PIK3C2A: variants seen among roughly 807,000 people sequenced by gnomAD.
PIK3C2A encodes phosphatidylinositol-4-phosphate 3-kinase catalytic subunit type 2 alpha, also known as phosphatidylinositol 4-phosphate 3-kinase C2 domain-containing subunit alpha.
In PIK3C2A, 97 loss-of-function variants were observed where a neutral mutation model predicts 204.5. That is an observed-to-expected ratio of 0.47 (90% CI 0.40 to 0.56). The LOEUF (loss-of-function observed/expected upper bound fraction) is 0.56, where lower values mean the gene tolerates loss of function less well. PIK3C2A is among the 20% of genes least tolerant of loss of function. PIK3C2A has a pLI of 0.00. For missense variants in PIK3C2A, 1,735 were observed against 1,969.2 expected (o/e 0.88, Z 2.25); for synonymous variants, 653 against 664.4 (o/e 0.98, Z 0.26).
intron 1 of PIK3C2A, among the ~76,000 whole-genome samples, chr11:17,176,606 T>C (rs1396642444): frequency 2.0e-5 from 3 of 151,964 alleles, no homozygotes; most frequent in African/African-American, 7.3e-5. Context: ...GTGGGCAACA[T>C]AGCCAGACCC....
rs771353244 is a variant in PIK3C2A at position 17,089,842 on chromosome 11, G to A, written c.4957C>T (p.Arg1653Trp). 27 of 1,613,378 alleles carry A rather than the reference G, an allele frequency of 1.7e-5. No individual in the cohort carries two copies. The highest frequency in any genetic ancestry group is 6.7e-5 in the East Asian group (3 of 44,878). ...ACTCCACCCAAGAAAAAATTCTCCC[G>A]CAGAGATTCTGCACTGAGTACACTT... Reference protein sequence around the residue: ...QLSVLSAESLRENFFLGGVTL... With the variant: ...QLSVLSAESLWENFFLGGVTL... The change falls in exon 33 of 33, where the codon CGG becomes TGG. Residue 1653 changes from arginine to tryptophan, a missense_variant. Around this residue, in one of 6 missense-constraint regions of PIK3C2A, gnomAD observed 503 missense variants for 669.0 expected, o/e 0.75. Transcript: ENST00000691414.
chr11:17,095,653 T>A (rs1848433129), intron 27 of PIK3C2A, among the ~76,000 whole-genome samples: 1 of 151,788 alleles, frequency 6.6e-6, no homozygotes, highest in Admixed American at 6.6e-5. Flanking sequence ...GTGGCTCACA[T>A]AATCCCAGAA....
intron 2 of PIK3C2A, among the ~76,000 whole-genome samples, chr11:17,158,841 G>C (rs1428300813): frequency 2.6e-5 from 4 of 152,018 alleles, no homozygotes; most frequent in Non-Finnish European, 5.9e-5. Context: ...TCGTGAATTA[G>C]GTCTTTCCTT....
rs151221483 is a variant in PIK3C2A at position 17,122,819 on chromosome 11, C to T, written c.2400-6G>A. Reference sequence around the variant, plus strand: ...TAGTTCCACATGTTAAAAACCTTCACGGATGTAAAAATAATAATGTGATTT... The same window carrying T: ...TAGTTCCACATGTTAAAAACCTTCATGGATGTAAAAATAATAATGTGATTT... On this transcript the variant is annotated splice_polypyrimidine_tract_variant and splice_region_variant and intron_variant, in intron 13 of 32. Coordinates refer to ENST00000691414, the MANE Select transcript of PIK3C2A (RefSeq NM_002645.4). The T allele has an allele frequency of 1.3e-4, 143 of 1,097,768 alleles. No individual in the cohort carries two copies. In the East Asian group the frequency reaches 2.0e-3, roughly 16 times the overall value. The allele number at this position is 1,097,768 out of a possible 1,614,324, so 68.0% of individuals were successfully genotyped here.
At chr11:17,129,211 G>T in intron 13 of PIK3C2A, 89 bp downstream of exon 13, 1 of 990,176 alleles carries the variant, frequency 1.0e-6, no homozygotes. Context: ...ACTCATCTAT[G>T]TTCCTCCCCT....
Position 17,089,690 on chromosome 11 carries a change from TGCACGTTTATA to T in PIK3C2A, c.*37_*47del, listed in dbSNP as rs1848243322. Reference sequence around the variant, plus strand: ...GTCTGTGTGTGTGTGCATGTATGCATGCACGTTTATAACTGTTCATGCTTCCAAAGCTCAAA... The same window carrying T: ...GTCTGTGTGTGTGTGCATGTATGCATACTGTTCATGCTTCCAAAGCTCAAA... On this transcript the variant is annotated 3_prime_UTR_variant, in exon 33 of 33. Coordinates refer to ENST00000691414, the MANE Select transcript of PIK3C2A (RefSeq NM_002645.4). 8.2e-7 allele frequency: 1 copy of T among 1,221,890 alleles called. No homozygotes were observed. Among genetic ancestry groups the T allele is most frequent in the East Asian group, 2.4e-5 (1 of 42,524 alleles). 75.7% of individuals were successfully genotyped at this position (1,221,890 alleles called of 1,614,324 possible). A position where few individuals can be genotyped will look rare whatever the true frequency, so the allele number is the denominator to read the frequency against.
rs565187203 is a variant in PIK3C2A, at chr11:17,203,037, T to C, written c.-66+4811A>G. The stretch of plus-strand genomic sequence containing the variant: ...CCAACAATAACTGCCTTCAAATCTA[T>C]TAAAAGAGGATTTATAAATCCCATT... On this transcript the variant is annotated intron_variant, in intron 1 of 32. Transcript: ENST00000691414. 5.3e-5 allele frequency among the ~76,000 whole-genome samples: 8 copies of C among 152,352 alleles called. No homozygotes were observed. The South Asian group carries it at 1.7e-3, about 32-fold the overall frequency.
intron 23 of PIK3C2A, among the ~76,000 whole-genome samples, chr11:17,104,282 C>T (rs1395017254): frequency 6.6e-6 from 1 of 152,144 alleles, no homozygotes; most frequent in Non-Finnish European, 1.5e-5. Flanking sequence ...ATCAATTATA[C>T]AACTTTCACT....
intron 1 of PIK3C2A, chr11:17,194,198 C>T (rs1041840582): frequency 1.7e-5 from 8 of 465,240 alleles, no homozygotes; most frequent in East Asian, 4.5e-5. Context: ...TGGGTTGTGC[C>T]GGCCAAACGA....
chr11:17,145,319 C>A (rs1268193074), intron 8 of PIK3C2A, among the ~76,000 whole-genome samples: 1 of 152,074 alleles, frequency 6.6e-6, no homozygotes, highest in African/African-American at 2.4e-5. Context: ...AGGGTGGGAC[C>A]AGATGGCAAT....
intron 28 of PIK3C2A, among the ~76,000 whole-genome samples, chr11:17,093,246 T>TTA (rs765430626): frequency 4.6e-5 from 7 of 152,236 alleles, no homozygotes; most frequent in Non-Finnish European, 7.3e-5. Flanking sequence ...AGATTTTGAT[T>TTA]GACAGTCTCG....
chr11:17,175,524 AC>A (rs1488986515), intron 1 of PIK3C2A, among the ~76,000 whole-genome samples: 1 of 152,212 alleles, frequency 6.6e-6, no homozygotes. Flanking sequence ...ATAATTTCCT[AC>A]ATCCTAATTC....
intron 1 of PIK3C2A, among the ~76,000 whole-genome samples, chr11:17,197,908 GAAT>G (rs1852217150): frequency 6.6e-6 from 1 of 152,036 alleles, no homozygotes; most frequent in African/African-American, 2.4e-5. Flanking sequence ...CCTGAATAGT[GAAT>G]AATAAAAAAT....
chr11:17,116,026 GA>G (rs1456166441), intron 19 of PIK3C2A, among the ~76,000 whole-genome samples: 1 of 151,500 alleles, frequency 6.6e-6, no homozygotes, highest in Non-Finnish European at 1.5e-5. Flanking sequence ...AGCCACAAAA[GA>G]AAAAAATAGA....
chr11:17,183,458 C>A lies in PIK3C2A; in HGVS notation c.-65-13652G>T, dbSNP rs540427541. 1.1e-4 allele frequency among the ~76,000 whole-genome samples: 17 copies of A among 152,102 alleles called. No homozygotes were observed. The East Asian group carries it at 3.3e-3, about 30-fold the overall frequency. On this transcript the variant is annotated intron_variant, in intron 1 of 32. Transcript: ENST00000691414. ...TGGGAGGCCAAGGTGGGTGGATCAC[C>A]TGAGGTCAGGAGTTTGAGACCAGCC...
Position 17,110,446 on chromosome 11 carries a change from G to T in PIK3C2A, c.3530C>A (p.Thr1177Asn). ...AATAAACTTACCTCGATCTCTGCCA[G>T]TTGAGAGACATTTGAAAATTACCAT... ...LRMVIFKCLS[T>N]GRDRGMVELV... Residue 1177 changes from threonine (T) to asparagine (N), a missense_variant, in exon 22 of 33, where the codon ACT becomes AAT. By Grantham distance (65) the Thr-to-Asn change is moderately conservative. Transcript: ENST00000691414. The T allele has an allele frequency of 6.2e-7, 1 of 1,611,098 alleles. No individual in the cohort carries two copies.
At chr11:17,121,190 T>A (rs1849356575) in intron 15 of PIK3C2A, among the ~76,000 whole-genome samples, 1 of 152,142 alleles carries the variant, frequency 6.6e-6, no homozygotes, top group African/African-American at 2.4e-5. Context: ...AGATCATAGA[T>A]CACTGCAGCC....
intron 13 of PIK3C2A, among the ~76,000 whole-genome samples, chr11:17,127,462 C>A (rs539100635): frequency 6.6e-6 from 1 of 152,056 alleles, no homozygotes; most frequent in Admixed American, 6.6e-5. Context: ...ATGTGCGCCA[C>A]CACACCTGGC....
At position 17,155,531 on chromosome 11, in the gene PIK3C2A, A is replaced by G; in HGVS notation, c.1164T>C (p.Ile388=). Residue 388 remains isoleucine (I), a synonymous_variant, in exon 3 of 33, where the codon ATT becomes ATC. Coordinates refer to ENST00000691414, the MANE Select transcript of PIK3C2A (RefSeq NM_002645.4). ...TATAAAGAAAAATTCCTTACTTTGTAATGGATCGACAAAAAGCTGCCATCT... is the reference window on the plus strand; with the variant it reads ...TATAAAGAAAAATTCCTTACTTTGTGATGGATCGACAAAAAGCTGCCATCT... ...NEEMAAFCRS[I]TKLKTKFPYT... The G allele has an allele frequency of 6.4e-7, 1 of 1,563,286 alleles. No homozygotes were observed. The highest frequency in any genetic ancestry group is 8.8e-7 in the Non-Finnish European group (1 of 1,138,668).
Sources: gnomAD v4.1 joint callset for allele counts (sites outside exome capture counted in the v4.1 genomes callset) on GRCh38, gnomAD v4.1.1 for gene constraint, gnomAD v4.1.1 regional missense constraint, MANE v1.5 for transcripts, NCBI Gene and HGNC (gene_info 2026-07-23, HGNC 2026-07-21) for gene names.